Variants in GPHN observed in about 807,000 individuals in gnomAD.
GPHN encodes gephyrin.
A neutral mutation model predicts 95.5 loss-of-function variants in GPHN; 17 were observed. That is an observed-to-expected ratio of 0.18 (90% confidence interval 0.12 to 0.27). The LOEUF (loss-of-function observed/expected upper bound fraction) is 0.27. Ranked by LOEUF, GPHN falls within the 10% of genes least tolerant of loss-of-function variation. The probability of loss-of-function intolerance (pLI) is 1.00; values close to 1 mark genes in which losing one functional copy is unlikely to be tolerated. For synonymous variants in GPHN, 320 were observed against 322.5 expected (o/e 0.99, Z 0.08); for missense variants, 660 against 978.1 (o/e 0.67, Z 4.34).
At chr14:66,678,482 T>G (rs1177191326) in intron 1 of GPHN, among the ~76,000 whole-genome samples, 7 of 148,934 alleles carry the variant, frequency 4.7e-5, no homozygotes, top group Admixed American at 3.4e-4. Context: ...TCACCAGTTG[T>G]TTTTTTTTTC....
the GPHN span, among the ~76,000 whole-genome samples, chr14:67,353,319 G>A: frequency 2.6e-5 from 4 of 152,166 alleles, 1 homozygote; most frequent in South Asian, 6.2e-4. Flanking sequence ...ATGGATTAAC[G>A]TCATTATGGT....
intron 2 of GPHN, among the ~76,000 whole-genome samples, chr14:66,769,976 A>C (rs1314100295): frequency 1.3e-5 from 2 of 152,038 alleles, no homozygotes; most frequent in Non-Finnish European, 2.9e-5. Context: ...TTTCTCTGCA[A>C]CCTCACCAGC....
At chr14:67,405,434 CA>C in the GPHN span, among the ~76,000 whole-genome samples, 233 of 152,086 alleles carry the variant, frequency 1.5e-3, no homozygotes, top group Non-Finnish European at 2.8e-3. Context: ...GGCACCAAGG[CA>C]AAGATGAACA....
chr14:67,431,382 ACT>A, the GPHN span, among the ~76,000 whole-genome samples: 320 of 113,708 alleles, frequency 2.8e-3, 4 homozygotes, highest in Admixed American at 0.033. Context: ...ACAGAGTGAG[ACT>A]CTGTCTCAAA....
intron 2 of GPHN, among the ~76,000 whole-genome samples, chr14:66,715,183 A>G (rs118131024): frequency 6.6e-4 from 101 of 151,890 alleles, no homozygotes; most frequent in Non-Finnish European, 1.2e-3. Flanking sequence ...CAGGGTATGT[A>G]TTTTTTCCTG....
the GPHN span, among the ~76,000 whole-genome samples, chr14:67,667,121 T>G: frequency 6.6e-6 from 1 of 152,076 alleles, no homozygotes; most frequent in African/African-American, 2.4e-5. Context: ...TTTGGGAAAC[T>G]GGGTGGATGC....
At chr14:67,458,888 T>C in the GPHN span, among the ~76,000 whole-genome samples, 2 of 151,582 alleles carry the variant, frequency 1.3e-5, no homozygotes, top group African/African-American at 2.4e-5. Flanking sequence ...TGGCTAATGT[T>C]TTTTGTTTTG....
At chr14:67,450,659 C>T in the GPHN span, among the ~76,000 whole-genome samples, 1 of 152,184 alleles carries the variant, frequency 6.6e-6, no homozygotes, top group Non-Finnish European at 1.5e-5. Flanking sequence ...GTGGAAGAAA[C>T]TTCTAAGTAG....
intron 4 of GPHN, among the ~76,000 whole-genome samples, chr14:66,854,161 C>G (rs2062704551): frequency 6.6e-6 from 1 of 152,146 alleles, no homozygotes; most frequent in Admixed American, 6.5e-5. Flanking sequence ...AACAAAATAA[C>G]CTATCTAATC....
chr14:67,044,738 TTCCTCC>T (rs3036765), intron 10 of GPHN, among the ~76,000 whole-genome samples: 2 of 150,730 alleles, frequency 1.3e-5, no homozygotes, highest in East Asian at 2.0e-4. Flanking sequence ...GAGTACCCCC[TTCCTCC>T]TCCTCCTCCT....
chr14:67,287,604 G>C, the GPHN span, among the ~76,000 whole-genome samples: 1 of 152,208 alleles, frequency 6.6e-6, no homozygotes, highest in East Asian at 1.9e-4. Context: ...AACGCTGGTA[G>C]GGGTATGAAT....
chr14:66,980,688 A>G (rs891218232), intron 9 of GPHN, among the ~76,000 whole-genome samples: 1 of 152,160 alleles, frequency 6.6e-6, no homozygotes, highest in Non-Finnish European at 1.5e-5. Context: ...AAAATTATAA[A>G]TGTGTAATAA....
At chr14:66,595,851 GCT>G (rs2061951449) in intron 1 of GPHN, among the ~76,000 whole-genome samples, 1 of 152,182 alleles carries the variant, frequency 6.6e-6, no homozygotes, top group Admixed American at 6.5e-5. Context: ...TTGTGTTACT[GCT>G]CTTTCAGTCG....
At chr14:66,632,106 A>G (rs2063838648) in intron 1 of GPHN, among the ~76,000 whole-genome samples, 2 of 152,196 alleles carry the variant, frequency 1.3e-5, no homozygotes, top group South Asian at 4.1e-4. Context: ...TTGGGAAATA[A>G]TGTCTTCAAG....
the GPHN span, among the ~76,000 whole-genome samples, chr14:67,224,259 CTTTTTTTTTTTTTT>C: frequency 7.4e-6 from 1 of 134,800 alleles, no homozygotes; most frequent in Admixed American, 7.5e-5. Context: ...TCTCTCTTTT[CTTTTTTTTTTTTTT>C]TTTGAGACAG....
chr14:67,226,933 CAG>C, the GPHN span, among the ~76,000 whole-genome samples: 1 of 152,154 alleles, frequency 6.6e-6, no homozygotes, highest in Non-Finnish European at 1.5e-5. Flanking sequence ...TCCACCTAGA[CAG>C]AGTCTGAAGC....
chr14:66,588,757 T>C (rs970347668), intron 1 of GPHN, among the ~76,000 whole-genome samples: 5 of 152,166 alleles, frequency 3.3e-5, no homozygotes, highest in African/African-American at 1.2e-4. Context: ...CTATGTTTGA[T>C]TGGTGTACCT....
intron 19 of GPHN, among the ~76,000 whole-genome samples, chr14:67,164,034 C>A (rs1182823173): frequency 2.6e-5 from 4 of 151,432 alleles, no homozygotes; most frequent in African/African-American, 9.7e-5. Flanking sequence ...TTTGGGAGGC[C>A]GAGGCAGGCG....
chr14:67,648,271 C>A, the GPHN span: 2 of 1,428,908 alleles, frequency 1.4e-6, no homozygotes, highest in African/African-American at 1.4e-5. Flanking sequence ...TCTGCTATTC[C>A]ACATCATTGC....
Sources: allele counts gnomAD v4.1 joint callset (sites outside exome capture counted in the v4.1 genomes callset), GRCh38; gene constraint gnomAD v4.1.1; transcripts MANE v1.5; gene names NCBI Gene and HGNC (gene_info 2026-07-23, HGNC 2026-07-21).